DDX43: variants seen among roughly 807,000 people sequenced by gnomAD.
The protein encoded by DDX43 is DEAD-box helicase 43, also known as probable ATP-dependent RNA helicase DDX43.
In DDX43, 50 loss-of-function variants were observed where a neutral mutation model predicts 84.9. The observed-to-expected ratio is 0.59, with a 90% CI of 0.47 to 0.75. DDX43 has a LOEUF of 0.75. Ranked by LOEUF, DDX43 falls within the 30% of genes least tolerant of loss-of-function variation. DDX43 has a pLI of 0.00. For missense variants in DDX43, 689 were observed against 798.6 expected (o/e 0.86, Z 1.65); for synonymous variants, 291 against 266.3 (o/e 1.09, Z -0.90).
At chr6:73,399,478 A>ACTCCCT (rs1367760845) in intron 2 of DDX43, among the ~76,000 whole-genome samples, 1 of 152,132 alleles carries the variant, frequency 6.6e-6, no homozygotes, top group Non-Finnish European at 1.5e-5. Flanking sequence ...CTTTCAGGGA[A>ACTCCCT]GTCTAAGGCC....
intron 3 of DDX43, among the ~76,000 whole-genome samples, 158 bp from the exon 4 acceptor site, chr6:73,401,701 C>T (rs954686981): frequency 1.3e-5 from 2 of 148,976 alleles, no homozygotes. Flanking sequence ...GCTGGGGAGG[C>T]TGAGGCAAGA....
Position 73,416,234 on chromosome 6 carries a change from T to A in DDX43, c.*8T>A. 1 of 1,418,794 alleles carries A rather than the reference T, an allele frequency of 7.0e-7. No individual in the cohort carries two copies. Among genetic ancestry groups the A allele is most frequent in the South Asian group, 1.2e-5 (1 of 86,362 alleles). 87.9% of individuals were successfully genotyped at this position (1,418,794 alleles called of 1,614,324 possible). Reference sequence around the variant, plus strand: ...CCCAAGAAGTTTCATTAATGTCTTCTGTACTAGTGGGGTAGAGGTAAAAGT... The same window carrying A: ...CCCAAGAAGTTTCATTAATGTCTTCAGTACTAGTGGGGTAGAGGTAAAAGT... On this transcript the variant is annotated 3_prime_UTR_variant, in exon 16 of 17. Transcript: ENST00000370336.
In DDX43 at chr6:73,412,668, T is replaced by TGTGTGCGCGC. The variant is rs538597626; in HGVS notation, c.1368+377_1368+378insTGTGCGCGCG. On this transcript the variant is annotated intron_variant, in intron 11 of 16. Transcript: ENST00000370336. ...GTGTGTGTGTGTGTGTGTGTGTGTG[T>TGTGTGCGCGC]GCGCGCGCGCGTGTGTGTGTGTGCG... Among the ~76,000 whole-genome samples the TGTGTGCGCGC allele has an allele frequency of 1.8e-3, 198 of 108,426 alleles. 1 individual carries two copies. The highest frequency in any genetic ancestry group is 4.6e-3 in the East Asian group (16 of 3,480). 71.1% of individuals were successfully genotyped at this position (108,426 alleles called of 152,430 possible). A position where few individuals can be genotyped will look rare whatever the true frequency, so the allele number is the denominator to read the frequency against.
At chr6:73,402,314 G>A (rs1038955127) in intron 4 of DDX43, among the ~76,000 whole-genome samples, 16 of 152,070 alleles carry the variant, frequency 1.1e-4, no homozygotes, top group African/African-American at 3.9e-4. Flanking sequence ...TGCTGTGATT[G>A]AGTAAAAATA....
Position 73,405,696 on chromosome 6 carries a change from T to C in DDX43, c.668T>C (p.Ile223Thr). 1.2e-6 allele frequency: 2 copies of C among 1,612,154 alleles called. No homozygotes were observed. Among genetic ancestry groups the C allele is most frequent in the Middle Eastern group, 1.7e-4 (1 of 6,050 alleles). Residue 223 changes from isoleucine to threonine, a missense_variant, in exon 6 of 17, where the codon ATA becomes ACA. Ile to Thr is a moderately conservative substitution (Grantham distance 89). Coordinates refer to ENST00000370336, the MANE Select transcript of DDX43 (RefSeq NM_018665.3). ...ADSWRKENFN[I>T]TWDDLKDGEK... ...CTTTGAAGGAAAGAAAATTTTAATA[T>C]AACGTGGGATGACTTGAAGGATGGG...
rs1417784674 is a variant in DDX43 at position 73,407,753 on chromosome 6, A to G, written c.1037+138A>G. 13 of 783,654 alleles carry G rather than the reference A, an allele frequency of 1.7e-5. No homozygotes were observed. In the East Asian group the frequency reaches 3.1e-4, roughly 19 times the overall value. The allele number at this position is 783,654 out of a possible 1,614,324, so 48.5% of individuals were successfully genotyped here. On this transcript the variant is annotated intron_variant, in intron 8 of 16. Coordinates refer to ENST00000370336, the MANE Select transcript of DDX43 (RefSeq NM_018665.3). ...TGGGTCAGGCATTTAGCACTACTCTAATCAGTCAGAGCCTGGGTCAGGTGA... is the reference window on the plus strand; with the variant it reads ...TGGGTCAGGCATTTAGCACTACTCTGATCAGTCAGAGCCTGGGTCAGGTGA...
At chr6:73,408,184 G>A (rs1166548901) in intron 9 of DDX43, 83 bp downstream of exon 9, 11 of 1,444,250 alleles carry the variant, frequency 7.6e-6, no homozygotes, top group East Asian at 4.6e-5. Context: ...CCTGTAATCC[G>A]AGCACTTTGG....
At chr6:73,410,253 G>A (rs1297730303) in intron 10 of DDX43, among the ~76,000 whole-genome samples, 1 of 152,094 alleles carries the variant, frequency 6.6e-6, no homozygotes, top group Non-Finnish European at 1.5e-5. Context: ...TGCAACCTCT[G>A]CCTCCCGGGT....
chr6:73,409,405 T>G, intron 10 of DDX43, 57 bp downstream of exon 10: 3 of 1,360,508 alleles, frequency 2.2e-6, no homozygotes, highest in Non-Finnish European at 3.1e-6. Context: ...TAGAATCTCA[T>G]TCTGTTTGGA....
rs1472837179 is a variant in DDX43, at chr6:73,417,397, TTCTTTTAA to T, written c.*245_*252del. The stretch of plus-strand genomic sequence containing the variant: ...TAAGGAGTGTAGCATTAGAATGTTT[TTCTTTTAA>T]TCTTTTAAACTGTCTCCTGTAATTT... On this transcript the variant is annotated 3_prime_UTR_variant, in exon 17 of 17. Transcript: ENST00000370336. 6.6e-6 allele frequency: 1 copy of T among 152,224 alleles called. No individual in the cohort carries two copies. Among genetic ancestry groups the T allele is most frequent in the Non-Finnish European group, 1.5e-5 (1 of 68,036 alleles). 9.4% of individuals were successfully genotyped at this position (152,224 alleles called of 1,614,324 possible). A position where few individuals can be genotyped will look rare whatever the true frequency, so the allele number is the denominator to read the frequency against.
chr6:73,404,782 T>C lies in DDX43; in HGVS notation c.650+11T>C, dbSNP rs1562284074. ...AGCAGATAGTTGGAGGTGGGTAGTT[T>C]CATTACCTAGTTGTGTAAGTATTTG... is the stretch of plus-strand genomic sequence containing the variant. On this transcript the variant is annotated intron_variant, in intron 5 of 16. Transcript: ENST00000370336. 1 of 1,597,600 alleles carries C rather than the reference T, an allele frequency of 6.3e-7. No individual in the cohort carries two copies. The highest frequency in any genetic ancestry group is 1.1e-5 in the South Asian group (1 of 90,124).
At chr6:73,396,514 C>A (rs1203151283) in intron 1 of DDX43, among the ~76,000 whole-genome samples, 1 of 152,108 alleles carries the variant, frequency 6.6e-6, no homozygotes, top group Non-Finnish European at 1.5e-5. Flanking sequence ...ACTAGGTTTG[C>A]AATAAAAATC....
At chr6:73,398,092 T>C (rs959130446) in intron 2 of DDX43, 16 of 179,442 alleles carry the variant, frequency 8.9e-5, no homozygotes, top group African/African-American at 3.5e-4. Context: ...ATTACAGGCA[T>C]GAGCCACTGC....
At chr6:73,401,577 T>G (rs896105051) in intron 3 of DDX43, among the ~76,000 whole-genome samples, 8 of 151,836 alleles carry the variant, frequency 5.3e-5, no homozygotes, top group African/African-American at 1.9e-4. Flanking sequence ...CCAAGGTGGG[T>G]GGATCACAAG....
intron 16 of DDX43, 35 bp from the exon 17 acceptor site, chr6:73,417,152 G>A (rs1190734913): frequency 6.6e-6 from 1 of 152,068 alleles, no homozygotes; most frequent in Admixed American, 6.6e-5. Context: ...AACAATGTTG[G>A]GGTCAGCAAT....
chr6:73,407,716 A>C, intron 8 of DDX43, 101 bp downstream of exon 8: 1 of 940,328 alleles, frequency 1.1e-6, no homozygotes, highest in East Asian at 2.5e-5. Flanking sequence ...AGAGAATCCA[A>C]ATGGCTCAGC....
Position 73,401,933 on chromosome 6 carries a change from A to G in DDX43, c.511A>G (p.Ile171Val). The G allele has an allele frequency of 6.2e-7, 1 of 1,614,118 alleles. No individual in the cohort carries two copies. Among genetic ancestry groups the G allele is most frequent in the South Asian group, 1.1e-5 (1 of 91,080 alleles). The change falls in exon 4 of 17, where the codon ATA becomes GTA. Residue 171 changes from isoleucine to valine, a missense_variant. Physicochemically the swap from Ile to Val is conservative, Grantham distance 29. Transcript: ENST00000370336. ...NNVVAGDRPLIDWDQIREEGL... is the reference protein window; with the variant it reads ...NNVVAGDRPLVDWDQIREEGL... ...TGTTGTTGCAGGAGATCGGCCATTG[A>G]TAGATTGGGATCAAATTAGAGAGGA...
At chr6:73,413,591 G>T in intron 11 of DDX43, 67 bp from the exon 12 acceptor site, 1 of 1,449,342 alleles carries the variant, frequency 6.9e-7, no homozygotes, top group Non-Finnish European at 9.2e-7. Flanking sequence ...TGCATTTTGA[G>T]CTGATGTATG....
At position 73,414,669 on chromosome 6, in the gene DDX43, G is replaced by A. The variant is rs150927597; in HGVS notation, c.1728G>A (p.Gly576=). The change falls in exon 14 of 17, where the codon GGG becomes GGA. Residue 576 remains glycine (G), a synonymous_variant. Coordinates refer to ENST00000370336, the MANE Select transcript of DDX43 (RefSeq NM_018665.3). ...RNIEEYVHRI[G]RTGRAGRTGV... ...TTGAAGAATACGTACACCGAATAGGGCGCACGGGAAGAGCAGGGTAAGTAA... is the reference window on the plus strand; with the variant it reads ...TTGAAGAATACGTACACCGAATAGGACGCACGGGAAGAGCAGGGTAAGTAA... 1 of 1,612,890 alleles carries A rather than the reference G, an allele frequency of 6.2e-7. No homozygotes were observed. The highest frequency in any genetic ancestry group is 8.5e-7 in the Non-Finnish European group (1 of 1,179,600).
Sources: allele counts gnomAD v4.1 joint callset (sites outside exome capture counted in the v4.1 genomes callset), GRCh38; gene constraint gnomAD v4.1.1; transcripts MANE v1.5; gene names NCBI Gene and HGNC (gene_info 2026-07-23, HGNC 2026-07-21).